CSMD1: variants seen among roughly 807,000 people sequenced by gnomAD.
CSMD1 encodes CUB and Sushi multiple domains 1.
Under a neutral mutation model 417.5 loss-of-function variants are expected in CSMD1, and 213 were observed. The ratio of observed to expected loss-of-function variants is 0.51; its 90% CI spans 0.46 to 0.57. CSMD1 has a LOEUF of 0.57. CSMD1 is among the 20% of genes least tolerant of loss of function. The probability of loss-of-function intolerance (pLI) is 0.00; values close to 1 mark genes in which losing one functional copy is unlikely to be tolerated. For synonymous variants in CSMD1, 2,862 were observed against 1,736.8 expected (o/e 1.65, Z -16.11); for missense variants, 6,923 against 4,529.7 (o/e 1.53, Z -15.17).
At chr8:3,574,497 T>C (rs995594300) in intron 10 of CSMD1, among the ~76,000 whole-genome samples, 3 of 152,180 alleles carry the variant, frequency 2.0e-5, no homozygotes, top group African/African-American at 7.2e-5. Context: ...TCCACCCACT[T>C]TGGCCTCCCA....
intron 1 of CSMD1, among the ~76,000 whole-genome samples, chr8:4,650,075 G>C (rs1314160723): frequency 2.0e-5 from 3 of 152,194 alleles, no homozygotes; most frequent in East Asian, 1.9e-4. Flanking sequence ...ACACCAAATA[G>C]TCATAAAAAT....
At chr8:4,021,427 C>A (rs1050885175) in intron 4 of CSMD1, among the ~76,000 whole-genome samples, 5 of 152,128 alleles carry the variant, frequency 3.3e-5, no homozygotes, top group African/African-American at 1.2e-4. Flanking sequence ...GTTGAGTGGA[C>A]AGCACTGCTC....
chr8:4,961,358 C>A (rs79513240), intron 1 of CSMD1, among the ~76,000 whole-genome samples: 1 of 152,086 alleles, frequency 6.6e-6, no homozygotes, highest in South Asian at 2.1e-4. Context: ...TTCAACCTGA[C>A]CTGATTGCCC....
intron 3 of CSMD1, among the ~76,000 whole-genome samples, chr8:4,149,165 T>A (rs1439564867): frequency 1.3e-5 from 2 of 152,098 alleles, no homozygotes; most frequent in Non-Finnish European, 2.9e-5. Flanking sequence ...GGTTTTCCCA[T>A]GTTGGCTAGG....
intron 1 of CSMD1, among the ~76,000 whole-genome samples, chr8:4,974,757 G>A (rs527750386): frequency 6.6e-6 from 1 of 152,256 alleles, no homozygotes; most frequent in Non-Finnish European, 1.5e-5. Context: ...TGACTAGAAG[G>A]TGATTTTTTG....
intron 2 of CSMD1, among the ~76,000 whole-genome samples, chr8:4,445,458 A>G (rs925588558): frequency 3.9e-5 from 6 of 152,198 alleles, no homozygotes; most frequent in African/African-American, 1.4e-4. Flanking sequence ...TATACCCTCC[A>G]GTGAGTCACT....
At chr8:3,431,957 T>G (rs1164570950) in intron 12 of CSMD1, among the ~76,000 whole-genome samples, 1 of 152,212 alleles carries the variant, frequency 6.6e-6, no homozygotes, top group African/African-American at 2.4e-5. Context: ...CAAATGTTAG[T>G]AGATGCTTGA....
At chr8:4,440,648 G>C (rs1330819449) in intron 2 of CSMD1, among the ~76,000 whole-genome samples, 1 of 152,164 alleles carries the variant, frequency 6.6e-6, no homozygotes, top group African/African-American at 2.4e-5. Context: ...AAAATTGATT[G>C]CATACATTTG....
chr8:4,043,116 C>G (rs951053850), intron 3 of CSMD1, among the ~76,000 whole-genome samples: 3 of 151,938 alleles, frequency 2.0e-5, no homozygotes, highest in Non-Finnish European at 4.4e-5. Context: ...CTGGGTGAGA[C>G]AGTGAGACTC....
Position 4,417,376 on chromosome 8 carries a change from G to A in CSMD1, c.415+2577C>T, listed in dbSNP as rs76155195. ...CAGACAACAGTTGAGTTTGGTGTCC[G>A]GATTATGTTTATTCCCAAGGTTATC... is the stretch of plus-strand genomic sequence containing the variant. On this transcript the variant is annotated intron_variant, in intron 3 of 69. Coordinates refer to ENST00000635120, the MANE Select transcript of CSMD1 (RefSeq NM_033225.6). Among the ~76,000 whole-genome samples, 853 of 151,922 alleles carry A rather than the reference G, an allele frequency of 5.6e-3. 31 individuals are homozygous for A. The East Asian group carries it at 0.087, about 15-fold the overall frequency.
chr8:4,219,170 T>C (rs545631662), intron 3 of CSMD1, among the ~76,000 whole-genome samples: 1 of 152,170 alleles, frequency 6.6e-6, no homozygotes, highest in Non-Finnish European at 1.5e-5. Context: ...TGTGTTCCCA[T>C]CTCCCCTCCC....
intron 1 of CSMD1, among the ~76,000 whole-genome samples, chr8:4,934,946 A>G (rs777003187): frequency 7.9e-5 from 12 of 152,120 alleles, no homozygotes; most frequent in Non-Finnish European, 1.6e-4. Context: ...ATCTATTTAA[A>G]TCCATCTACC....
chr8:4,405,279 T>G (rs914267662), intron 3 of CSMD1, among the ~76,000 whole-genome samples: 1 of 152,220 alleles, frequency 6.6e-6, no homozygotes, highest in South Asian at 2.1e-4. Flanking sequence ...AGGAAAATGA[T>G]ATTATCATAG....
chr8:3,606,234 G>A (rs1002694695), intron 8 of CSMD1, among the ~76,000 whole-genome samples: 5 of 152,116 alleles, frequency 3.3e-5, no homozygotes, highest in African/African-American at 9.7e-5. Context: ...AGGATGCAGT[G>A]TGAGAAATGC....
At chr8:4,750,421 G>C (rs1406069837) in intron 1 of CSMD1, among the ~76,000 whole-genome samples, 2 of 152,132 alleles carry the variant, frequency 1.3e-5, no homozygotes, top group Admixed American at 6.5e-5. Context: ...AATATGTGTT[G>C]CAATTAAATG....
chr8:2,993,452 G>C (rs1348519651), intron 54 of CSMD1, among the ~76,000 whole-genome samples: 1 of 152,186 alleles, frequency 6.6e-6, no homozygotes, highest in South Asian at 2.1e-4. Flanking sequence ...AAAGAGGAGT[G>C]TCAGGGCACT....
intron 5 of CSMD1, among the ~76,000 whole-genome samples, chr8:3,961,485 C>A (rs1019272645): frequency 1.3e-5 from 2 of 152,050 alleles, no homozygotes; most frequent in Non-Finnish European, 2.9e-5. Context: ...AAAGTCTAGC[C>A]CCATATGCGT....
At chr8:4,135,580 G>C (rs998830137) in intron 3 of CSMD1, among the ~76,000 whole-genome samples, 1 of 152,058 alleles carries the variant, frequency 6.6e-6, no homozygotes, top group Non-Finnish European at 1.5e-5. Context: ...AATGAGTTTT[G>C]ATTCTTAAAA....
At chr8:4,156,995 T>C (rs1796870937) in intron 3 of CSMD1, among the ~76,000 whole-genome samples, 1 of 152,032 alleles carries the variant, frequency 6.6e-6, no homozygotes, top group African/African-American at 2.4e-5. Flanking sequence ...TCCCAGATGA[T>C]ATTAAGTAGG....
Sources: gnomAD v4.1 joint callset for allele counts (sites outside exome capture counted in the v4.1 genomes callset) on GRCh38, gnomAD v4.1.1 for gene constraint, MANE v1.5 for transcripts, NCBI Gene and HGNC (gene_info 2026-07-23, HGNC 2026-07-21) for gene names.